RASSF3: variants seen among roughly 807,000 people sequenced by gnomAD.
RASSF3 encodes the protein Ras association domain family member 3, also known as ras association domain-containing protein 3.
In RASSF3, 19 loss-of-function variants were observed where a neutral mutation model predicts 19.9. That is an observed-to-expected ratio of 0.96 (90% CI 0.67 to 1.40). The LOEUF (loss-of-function observed/expected upper bound fraction) is 1.40, where lower values mean the gene tolerates loss of function less well. Among genes scored for constraint, RASSF3 ranks in the 40% most tolerant of loss-of-function variants. The probability of loss-of-function intolerance (pLI) is 0.00; values close to 1 mark genes in which losing one functional copy is unlikely to be tolerated. For missense variants in RASSF3, 306 were observed against 289.8 expected (o/e 1.06, Z -0.41); for synonymous variants, 110 against 104.2 (o/e 1.06, Z -0.34).
At chr12:64,615,005 T>G (rs1446261065) in intron 1 of RASSF3, among the ~76,000 whole-genome samples, 1 of 152,196 alleles carries the variant, frequency 6.6e-6, no homozygotes, top group East Asian at 1.9e-4. Context: ...GGCTGTTTCT[T>G]AAAATTTCAA....
At chr12:64,653,576 T>G (rs1872041186) in intron 1 of RASSF3, among the ~76,000 whole-genome samples, 1 of 152,110 alleles carries the variant, frequency 6.6e-6, no homozygotes, top group African/African-American at 2.4e-5. Context: ...TATCTTTTTT[T>G]TTTTTTGAGA....
At chr12:64,586,992 C>T (rs917645407) in intron 2 of RASSF3, among the ~76,000 whole-genome samples, 5 of 151,836 alleles carry the variant, frequency 3.3e-5, no homozygotes, top group African/African-American at 1.2e-4. Flanking sequence ...AATGCTCTAT[C>T]TCCAAGTTGA....
chr12:64,523,869 G>A (rs376305387), intron 1 of RASSF3, among the ~76,000 whole-genome samples: 3 of 151,830 alleles, frequency 2.0e-5, no homozygotes, highest in Admixed American at 1.3e-4. Flanking sequence ...CACTGCACCC[G>A]CCAAGGGACA....
chr12:64,543,436 CCCCCCGT>C (rs1555208307), downstream of RASSF3, among the ~76,000 whole-genome samples: 105 of 38,166 alleles, frequency 2.8e-3, 2 homozygotes, highest in East Asian at 0.01. Flanking sequence ...CCCGCCCGCC[CCCCCCGT>C]GCCCGCCCGC....
chr12:64,618,499 G>A (rs1203062682), intron 1 of RASSF3, among the ~76,000 whole-genome samples: 1 of 151,950 alleles, frequency 6.6e-6, no homozygotes, highest in Non-Finnish European at 1.5e-5. Flanking sequence ...GCTAATTTTT[G>A]TATTTTTAAA....
intron 1 of RASSF3, among the ~76,000 whole-genome samples, chr12:64,665,885 C>G (rs1157095361): frequency 1.3e-5 from 2 of 152,176 alleles, no homozygotes; most frequent in Non-Finnish European, 2.9e-5. Context: ...AGCTTGCCTG[C>G]CCTTCATCAA....
At chr12:64,682,396 C>G (rs547473168) in intron 1 of RASSF3, among the ~76,000 whole-genome samples, 1 of 152,008 alleles carries the variant, frequency 6.6e-6, no homozygotes, top group Non-Finnish European at 1.5e-5. Context: ...ACGGTGAAAC[C>G]CCGTCTCTAC....
chr12:64,570,655 T>C (rs927660262), intron 2 of RASSF3, among the ~76,000 whole-genome samples: 1 of 152,198 alleles, frequency 6.6e-6, no homozygotes, highest in African/African-American at 2.4e-5. Flanking sequence ...GGAAAAATTG[T>C]CTTTCTAAGA....
At chr12:64,606,942 C>T (rs1158628296), upstream of RASSF3, among the ~76,000 whole-genome samples, 1 of 152,088 alleles carries the variant, frequency 6.6e-6, no homozygotes, top group Non-Finnish European at 1.5e-5. Flanking sequence ...TTTACAGATA[C>T]AATTTTCATG....
intron 1 of RASSF3, 23 bp from the exon 2 acceptor site, chr12:64,684,764 G>A (rs950332239): frequency 6.6e-7 from 1 of 1,513,534 alleles, no homozygotes; most frequent in Non-Finnish European, 9.2e-7. Flanking sequence ...GCTCACATGT[G>A]ACATGTCTTG....
In RASSF3 at chr12:64,603,173, TG is replaced by T. The variant is rs376939616; in HGVS notation, c.294+61469del. On this transcript the variant is annotated intron_variant, in intron 2 of 5. Transcript: ENST00000637125. ...GTTTGGTTTCTTTAACTTTTTTTTT[TG>T]TTGTTGTTGTTGTTTGTTTCTTTAT... 2.6e-3 allele frequency among the ~76,000 whole-genome samples: 386 copies of T among 150,342 alleles called. 5 individuals carry two copies. The highest frequency in any genetic ancestry group is 8.9e-3 in the African/African-American group (355 of 39,788).
chr12:64,526,339 C>T (rs970867424), intron 1 of RASSF3, among the ~76,000 whole-genome samples: 2 of 151,984 alleles, frequency 1.3e-5, no homozygotes, highest in Non-Finnish European at 2.9e-5. Flanking sequence ...ATCTACTTGG[C>T]AATTTTCAAG....
chr12:64,619,047 C>T (rs552296215), intron 1 of RASSF3, among the ~76,000 whole-genome samples: 2 of 152,142 alleles, frequency 1.3e-5, no homozygotes, highest in South Asian at 4.1e-4. Flanking sequence ...TTTAGCATGG[C>T]TATGGAAAAC....
intron 1 of RASSF3, among the ~76,000 whole-genome samples, chr12:64,655,974 C>T (rs1421550593): frequency 6.7e-6 from 1 of 149,412 alleles, no homozygotes; most frequent in Admixed American, 6.7e-5. Context: ...TTGCAGTGAG[C>T]TGACACAGTG....
At chr12:64,534,213 A>AT (rs1465652104) in intron 1 of RASSF3, among the ~76,000 whole-genome samples, 3 of 152,186 alleles carry the variant, frequency 2.0e-5, no homozygotes, top group African/African-American at 7.2e-5. Flanking sequence ...GTGAGCTATC[A>AT]TTGCACCACT....
rs1868344046 is a variant in RASSF3 at position 64,513,950 on chromosome 12, G to A, written c.169+6621G>A. On this transcript the variant is annotated intron_variant, in intron 1 of 5. Coordinates refer to the RASSF3 transcript ENST00000637125. ...GCTGGAGTGCAATGGCAGGAACTCG[G>A]CTCACTGCAACCTCTGCCTCCTGGG... Among the ~76,000 whole-genome samples, 4 of 151,978 alleles carry A rather than the reference G, an allele frequency of 2.6e-5. No homozygotes were observed. The South Asian group carries it at 8.3e-4, about 32-fold the overall frequency.
At chr12:64,600,825 T>G (rs1444860698) in intron 2 of RASSF3, among the ~76,000 whole-genome samples, 1 of 152,222 alleles carries the variant, frequency 6.6e-6, no homozygotes, top group Non-Finnish European at 1.5e-5. Flanking sequence ...TTCTCAGGCT[T>G]AAATTGATTT....
chr12:64,624,978 T>C (rs561950704), intron 1 of RASSF3, among the ~76,000 whole-genome samples: 58 of 152,252 alleles, frequency 3.8e-4, no homozygotes, highest in African/African-American at 1.3e-3. Flanking sequence ...GCAATAGTTA[T>C]TTTTAAAAGA....
intron 2 of RASSF3, among the ~76,000 whole-genome samples, chr12:64,687,584 A>T (rs1555216880): frequency 6.6e-6 from 1 of 151,110 alleles, no homozygotes; most frequent in Non-Finnish European, 1.5e-5. Context: ...AAGCGATTGA[A>T]TTTTTTTTTA....
Sources: allele counts gnomAD v4.1 joint callset (sites outside exome capture counted in the v4.1 genomes callset), GRCh38; gene constraint gnomAD v4.1.1; transcripts MANE v1.5; gene names NCBI Gene and HGNC (gene_info 2026-07-23, HGNC 2026-07-21).